DSCAM: variants seen among roughly 807,000 people sequenced by gnomAD.
DSCAM encodes the protein cell adhesion molecule DSCAM.
Under a neutral mutation model 217.7 loss-of-function variants are expected in DSCAM, and 47 were observed. The ratio of observed to expected loss-of-function variants is 0.22; its 90% CI spans 0.17 to 0.28. DSCAM has a LOEUF of 0.28. DSCAM is among the 10% of genes least tolerant of loss of function. DSCAM has a pLI of 1.00. For missense variants in DSCAM, 2,080 were observed against 2,618.3 expected, an observed-to-expected ratio of 0.79 and a Z score of 4.49; for synonymous variants, 1,056 against 1,015.3, an observed-to-expected ratio of 1.04 and a Z score of -0.76.
chr21:40,698,183 A>G (rs2090615652), intron 2 of DSCAM, among the ~76,000 whole-genome samples: 1 of 152,240 alleles, frequency 6.6e-6, no homozygotes, highest in Admixed American at 6.5e-5. Context: ...CGGTTGGTCT[A>G]CATTGACAGC....
At chr21:40,284,239 C>T (rs1454701559) in intron 10 of DSCAM, among the ~76,000 whole-genome samples, 1 of 152,202 alleles carries the variant, frequency 6.6e-6, no homozygotes, top group Admixed American at 6.5e-5. Context: ...AGTTCTGTTA[C>T]AAAGAAGAAT....
chr21:40,048,687 G>A (rs535735347), intron 30 of DSCAM, among the ~76,000 whole-genome samples: 6 of 152,140 alleles, frequency 3.9e-5, no homozygotes, highest in Non-Finnish European at 8.8e-5. Context: ...ATAGAATCAC[G>A]ATGTGTTCTC....
chr21:40,354,250 T>C (rs1191193605), intron 4 of DSCAM, among the ~76,000 whole-genome samples: 1 of 152,232 alleles, frequency 6.6e-6, no homozygotes, highest in Non-Finnish European at 1.5e-5. Context: ...AAACATATAA[T>C]GTGATGGATA....
Position 40,144,864 on chromosome 21 carries a change from G to A in DSCAM, c.3019-133C>T. On this transcript the variant is annotated intron_variant, in intron 16 of 32. Transcript: ENST00000400454. This position sits in a 1 kb window ranked among gnomAD's most constrained non-coding sequence, Gnocchi z 4.8. Reference sequence around the variant, plus strand: ...ACGATGCTGGGGCGGTGGTCCGGTAGCAGCCGCAAACCCACGTACAGTGCA... The same window carrying A: ...ACGATGCTGGGGCGGTGGTCCGGTAACAGCCGCAAACCCACGTACAGTGCA... 1.3e-5 allele frequency: 17 copies of A among 1,331,692 alleles called. No homozygotes were observed. Among genetic ancestry groups the A allele is most frequent in the Non-Finnish European group, 1.7e-5 (17 of 976,274 alleles). The allele number at this position is 1,331,692 out of a possible 1,614,324, so 82.5% of individuals were successfully genotyped here.
At chr21:40,443,136 C>T (rs1387413716) in intron 3 of DSCAM, among the ~76,000 whole-genome samples, 1 of 152,190 alleles carries the variant, frequency 6.6e-6, no homozygotes, top group Non-Finnish European at 1.5e-5. Flanking sequence ...GACAGGAAGG[C>T]TATGTGGATC....
chr21:40,593,515 G>A (rs2076999010), intron 3 of DSCAM, among the ~76,000 whole-genome samples: 1 of 152,070 alleles, frequency 6.6e-6, no homozygotes, highest in Non-Finnish European at 1.5e-5. Context: ...TTTTAGTAGA[G>A]ATGGGGTTTC....
At chr21:40,544,525 G>A (rs568096720) in intron 3 of DSCAM, among the ~76,000 whole-genome samples, 4 of 152,176 alleles carry the variant, frequency 2.6e-5, no homozygotes, top group South Asian at 2.1e-4. Context: ...AACCCCCTGC[G>A]AAGATGAAGG....
chr21:40,069,905 A>G (rs1211605301), intron 27 of DSCAM, among the ~76,000 whole-genome samples: 2 of 152,176 alleles, frequency 1.3e-5, no homozygotes, highest in East Asian at 1.9e-4. Flanking sequence ...AAGGCCATAT[A>G]TACTGGTAAT....
At chr21:40,628,576 A>G (rs1450791104) in intron 3 of DSCAM, among the ~76,000 whole-genome samples, 1 of 152,186 alleles carries the variant, frequency 6.6e-6, no homozygotes, top group East Asian at 1.9e-4. Flanking sequence ...AATAACCTAG[A>G]TCTCATGGCC....
intron 1 of DSCAM, among the ~76,000 whole-genome samples, chr21:40,745,780 G>A (rs1489950694): frequency 1.3e-5 from 2 of 152,070 alleles, no homozygotes; most frequent in Non-Finnish European, 2.9e-5. Context: ...TGTAATTGTG[G>A]AACGTAAACC....
intron 10 of DSCAM, among the ~76,000 whole-genome samples, chr21:40,286,869 A>C (rs200927541): frequency 0.051 from 6,638 of 131,410 alleles, 509 homozygotes; most frequent in African/African-American, 0.17. Flanking sequence ...GTGTGATCCA[A>C]GGTGTGATCT....
At chr21:40,127,488 G>A (rs1431512070) in intron 19 of DSCAM, among the ~76,000 whole-genome samples, 4 of 152,216 alleles carry the variant, frequency 2.6e-5, no homozygotes, top group Non-Finnish European at 4.4e-5. Flanking sequence ...ATAGAGAGGA[G>A]TTCTGCATTT....
chr21:40,844,525 C>T (rs1686344912), intron 1 of DSCAM, among the ~76,000 whole-genome samples: 1 of 152,118 alleles, frequency 6.6e-6, no homozygotes, highest in African/African-American at 2.4e-5. Context: ...ATATTTATTA[C>T]AATAATGGTG....
Position 40,167,373 on chromosome 21 carries a change from G to C in DSCAM, c.2948-85C>G, listed in dbSNP as rs2090608569. The C allele has an allele frequency of 1.0e-5, 12 of 1,171,646 alleles. No homozygotes were observed. The South Asian group carries it at 1.4e-4, about 13-fold the overall frequency. 72.6% of individuals were successfully genotyped at this position (1,171,646 alleles called of 1,614,324 possible). On this transcript the variant is annotated intron_variant, in intron 15 of 32. Coordinates refer to ENST00000400454, the MANE Select transcript of DSCAM (RefSeq NM_001389.5). ...TACACAGCCAAAGGTGGTCCCCGAGGACAACCCATCCCTATGTTTGGCACA... is the reference window on the plus strand; with the variant it reads ...TACACAGCCAAAGGTGGTCCCCGAGCACAACCCATCCCTATGTTTGGCACA...
At chr21:40,496,788 C>T (rs577313696) in intron 3 of DSCAM, among the ~76,000 whole-genome samples, 18 of 151,982 alleles carry the variant, frequency 1.2e-4, no homozygotes, top group African/African-American at 4.1e-4. Flanking sequence ...GCAAACAGCT[C>T]AATAGCAAAG....
intron 1 of DSCAM, among the ~76,000 whole-genome samples, chr21:40,811,100 A>G (rs1221541564): frequency 6.6e-6 from 1 of 152,174 alleles, no homozygotes; most frequent in Non-Finnish European, 1.5e-5. Flanking sequence ...TAATATGGGA[A>G]GGCTCAGTGT....
intron 30 of DSCAM, among the ~76,000 whole-genome samples, chr21:40,048,751 G>A (rs2088882317): frequency 1.3e-5 from 2 of 152,304 alleles, no homozygotes; most frequent in East Asian, 3.9e-4. Context: ...CCAAACTGTG[G>A]TGAGAAGAAC....
intron 3 of DSCAM, among the ~76,000 whole-genome samples, chr21:40,618,108 G>A (rs1418499979): frequency 1.3e-5 from 2 of 152,182 alleles, no homozygotes; most frequent in Non-Finnish European, 2.9e-5. Context: ...TTAAAAAGGT[G>A]TCATTGTATT....
In DSCAM at chr21:40,332,850, G is replaced by A. The variant is rs77980398; in HGVS notation, c.1783+5251C>T. Among the ~76,000 whole-genome samples the A allele has an allele frequency of 5.0e-3, 762 of 152,194 alleles. 8 individuals carry two copies. Among genetic ancestry groups the A allele is most frequent in the African/African-American group, 0.017 (725 of 41,508 alleles). ...GCATATGCTCCAAAATAAGCAAAGG[G>A]TTATGACTATTGCCAGGAAAAGACA... On this transcript the variant is annotated intron_variant, in intron 8 of 32. Coordinates refer to ENST00000400454, the MANE Select transcript of DSCAM (RefSeq NM_001389.5).
Sources: allele counts gnomAD v4.1 joint callset (sites outside exome capture counted in the v4.1 genomes callset), GRCh38; gene constraint gnomAD v4.1.1; non-coding constraint Gnocchi (gnomAD v3.1); transcripts MANE v1.5; gene names NCBI Gene and HGNC (gene_info 2026-07-23, HGNC 2026-07-21).